The following SNX29 variants were observed in gnomAD, a reference collection of about 807,000 sequenced individuals.
The protein encoded by SNX29 is sorting nexin 29.
In SNX29, 78 loss-of-function variants were observed where a neutral mutation model predicts 102.1. The observed-to-expected ratio is 0.76, with a 90% CI of 0.64 to 0.92. The LOEUF (loss-of-function observed/expected upper bound fraction) is 0.92, where lower values mean the gene tolerates loss of function less well. SNX29 is among the 40% of genes least tolerant of loss of function. The pLI is 0.00. For synonymous variants in SNX29, 580 were observed against 414.5 expected (o/e 1.40, Z -4.85); for missense variants, 1,280 against 1,061.7 (o/e 1.21, Z -2.86).
chr16:12,195,332 A>G (rs961085708), intron 13 of SNX29, among the ~76,000 whole-genome samples: 1 of 152,188 alleles, frequency 6.6e-6, no homozygotes, highest in South Asian at 2.1e-4. Flanking sequence ...TTTATATTCA[A>G]AGCATCCTCA....
chr16:12,079,123 C>T (rs892612099), intron 11 of SNX29, among the ~76,000 whole-genome samples: 14 of 152,218 alleles, frequency 9.2e-5, no homozygotes, highest in Admixed American at 2.0e-4. Context: ...CGCTAAAGGG[C>T]GTGCCTCAGG....
intron 3 of SNX29, among the ~76,000 whole-genome samples, chr16:12,024,769 A>G (rs2057140753): frequency 6.6e-6 from 1 of 152,228 alleles, no homozygotes; most frequent in East Asian, 1.9e-4. Flanking sequence ...AACCAAGCAA[A>G]CTAATAGCAA....
At chr16:12,267,168 TA>T (rs1487650209) in intron 14 of SNX29, among the ~76,000 whole-genome samples, 1 of 152,188 alleles carries the variant, frequency 6.6e-6, no homozygotes, top group African/African-American at 2.4e-5. Context: ...AATGTGTTTT[TA>T]AAGCATTTGG....
At chr16:12,291,780 C>G (rs955320265) in intron 15 of SNX29, among the ~76,000 whole-genome samples, 1 of 152,070 alleles carries the variant, frequency 6.6e-6, no homozygotes, top group Non-Finnish European at 1.5e-5. Context: ...GGGATGGATC[C>G]CCAGATGAAA....
intron 15 of SNX29, among the ~76,000 whole-genome samples, chr16:12,340,179 T>C (rs1482150966): frequency 1.3e-5 from 2 of 152,228 alleles, no homozygotes; most frequent in African/African-American, 4.8e-5. Context: ...ATCTTCTCCA[T>C]CCTCCTCCCC....
chr16:12,264,100 G>C (rs910655305), intron 14 of SNX29, among the ~76,000 whole-genome samples: 2 of 152,208 alleles, frequency 1.3e-5, no homozygotes, highest in African/African-American at 4.8e-5. Context: ...TTCTGGGCAG[G>C]AGACTGTGTG....
intron 14 of SNX29, among the ~76,000 whole-genome samples, chr16:12,257,246 G>A (rs1016160043): frequency 1.2e-4 from 19 of 152,228 alleles, no homozygotes; most frequent in Admixed American, 9.8e-4. Context: ...CTTGGAATCC[G>A]ACTTCCTGTT....
At chr16:12,327,895 C>T (rs972093132) in intron 15 of SNX29, among the ~76,000 whole-genome samples, 2 of 152,152 alleles carry the variant, frequency 1.3e-5, no homozygotes, top group Non-Finnish European at 2.9e-5. Flanking sequence ...AGGGCCCTTC[C>T]TGCCACCATC....
At chr16:12,284,773 G>A (rs915648973) in intron 15 of SNX29, among the ~76,000 whole-genome samples, 6 of 151,188 alleles carry the variant, frequency 4.0e-5, no homozygotes, top group African/African-American at 1.2e-4. Flanking sequence ...CACCCAGGCT[G>A]GAGGGCAATG....
chr16:12,162,294 C>A (rs917460129), intron 13 of SNX29, among the ~76,000 whole-genome samples: 3 of 152,192 alleles, frequency 2.0e-5, no homozygotes, highest in Admixed American at 2.0e-4. Flanking sequence ...TAGTACCATG[C>A]GTCATTTTCT....
At chr16:12,461,798 A>C (rs1367914007) in intron 18 of SNX29, among the ~76,000 whole-genome samples, 1 of 150,312 alleles carries the variant, frequency 6.7e-6, no homozygotes, top group Non-Finnish European at 1.5e-5. Context: ...CTCTACTAAA[A>C]ATACAAAATT....
In SNX29 at chr16:12,398,428, C is replaced by G. The variant is rs755753756; in HGVS notation, c.1900-18C>G. On this transcript the variant is annotated intron_variant, in intron 16 of 20. Coordinates refer to ENST00000566228, the MANE Select transcript of SNX29 (RefSeq NM_032167.5). Reference sequence around the variant, plus strand: ...ATTATGCATTTTTTCTCCCCTCTCCCCCTTCTCCTGATGGTAGGTGCCTGG... The same window carrying G: ...ATTATGCATTTTTTCTCCCCTCTCCGCCTTCTCCTGATGGTAGGTGCCTGG... 5 of 1,613,954 alleles carry G rather than the reference C, an allele frequency of 3.1e-6. No homozygotes were observed. The highest frequency in any genetic ancestry group is 4.2e-6 in the Non-Finnish European group (5 of 1,179,820).
intron 15 of SNX29, among the ~76,000 whole-genome samples, chr16:12,296,608 T>A (rs1162880643): frequency 6.6e-6 from 1 of 152,228 alleles, no homozygotes; most frequent in African/African-American, 2.4e-5. Flanking sequence ...AAACTTTATT[T>A]ACCAAAACAG....
chr16:12,315,692 C>T (rs1338001932), intron 15 of SNX29, among the ~76,000 whole-genome samples: 2 of 152,212 alleles, frequency 1.3e-5, no homozygotes, highest in Non-Finnish European at 2.9e-5. Flanking sequence ...TGCCCCTCTA[C>T]AACTGTGGGA....
intron 19 of SNX29, among the ~76,000 whole-genome samples, chr16:12,522,961 C>G (rs956600002): frequency 5.9e-5 from 9 of 152,200 alleles, no homozygotes; most frequent in Admixed American, 5.9e-4. Flanking sequence ...CAGGTGCACA[C>G]CACCGTGCCC....
intron 11 of SNX29, among the ~76,000 whole-genome samples, chr16:12,112,407 T>C (rs1017921609): frequency 6.6e-6 from 1 of 152,216 alleles, no homozygotes; most frequent in African/African-American, 2.4e-5. Context: ...GTGTCATCTC[T>C]GCGTGGCTGC....
rs114731352 is a variant in SNX29, at chr16:12,317,122, C to G, written c.1783-39041C>G. On this transcript the variant is annotated intron_variant, in intron 15 of 20. Transcript: ENST00000566228. Reference sequence around the variant, plus strand: ...CCCAGAAGTTTTCTCTTTCCACTTTCCTATTGTACAGGCACCCAGGACCTT... The same window carrying G: ...CCCAGAAGTTTTCTCTTTCCACTTTGCTATTGTACAGGCACCCAGGACCTT... Among the ~76,000 whole-genome samples, 801 of 152,340 alleles carry G rather than the reference C, an allele frequency of 5.3e-3. 9 individuals are homozygous for G. The highest frequency in any genetic ancestry group is 0.019 in the African/African-American group (775 of 41,568).
chr16:11,986,077 T>A (rs757732120), intron 1 of SNX29, among the ~76,000 whole-genome samples: 1 of 152,116 alleles, frequency 6.6e-6, no homozygotes, highest in Non-Finnish European at 1.5e-5. Context: ...CGTGCTGGGA[T>A]GACAGGTGTG....
intron 3 of SNX29, among the ~76,000 whole-genome samples, chr16:12,019,658 G>A (rs1262876069): frequency 1.4e-5 from 2 of 145,188 alleles, no homozygotes; most frequent in Non-Finnish European, 3.0e-5. Context: ...TTTTTGAGAC[G>A]GAGTTTTGCT....
Sources: allele counts gnomAD v4.1 joint callset (sites outside exome capture counted in the v4.1 genomes callset), GRCh38; gene constraint gnomAD v4.1.1; transcripts MANE v1.5; gene names NCBI Gene and HGNC (gene_info 2026-07-23, HGNC 2026-07-21).